Variants in C1orf159 observed in about 807,000 individuals in gnomAD.
C1orf159 encodes the protein uncharacterized protein C1orf159.
In C1orf159, 19 loss-of-function variants were observed where a neutral mutation model predicts 25.6. The observed-to-expected ratio is 0.74, with a 90% CI of 0.52 to 1.09. C1orf159 has a LOEUF of 1.09. C1orf159 is among the 50% of genes least tolerant of loss of function. The pLI is 0.00. For missense variants in C1orf159, 274 were observed against 290.6 expected (o/e 0.94, Z 0.42); for synonymous variants, 139 against 124.7 (o/e 1.12, Z -0.77).
chr1:1,087,157 G>C lies in C1orf159; in HGVS notation c.292C>G (p.Pro98Ala). 2 of 1,610,238 alleles carry C rather than the reference G, an allele frequency of 1.2e-6. No individual in the cohort carries two copies. The highest frequency in any genetic ancestry group is 1.7e-6 in the Non-Finnish European group (2 of 1,179,604). Residue 98 changes from proline to alanine, a missense_variant, in exon 6 of 10, where the codon CCC (proline) becomes GCC (alanine). Coordinates refer to ENST00000421241, the MANE Select transcript of C1orf159 (RefSeq NM_017891.5). The surrounding 1 kb of genome is among the most constrained non-coding windows in gnomAD (Gnocchi z 8.3). ...GACTTACCAGGATGTGGCCGCCCGG[G>C]GGTCCCTGAGCTTCTGTTCATGGGG... ...PFPMNRSSGT[P>A]GRPHPGAPRV...
At chr1:1,109,701 T>C (rs759362741) in intron 1 of C1orf159, among the ~76,000 whole-genome samples, 1 of 152,172 alleles carries the variant, frequency 6.6e-6, no homozygotes, top group East Asian at 1.9e-4. Flanking sequence ...ACTCCTGGGC[T>C]CAAGCGCTCC....
intron 1 of C1orf159, among the ~76,000 whole-genome samples, chr1:1,104,113 G>C (rs541224880): frequency 6.6e-6 from 1 of 151,988 alleles, no homozygotes; most frequent in Non-Finnish European, 1.5e-5. Context: ...TCGGCCTCAC[G>C]AGTAGCTGGG....
chr1:1,107,713 C>A (rs1646192953), intron 1 of C1orf159, among the ~76,000 whole-genome samples: 1 of 152,224 alleles, frequency 6.6e-6, no homozygotes, highest in African/African-American at 2.4e-5. Flanking sequence ...TAAAAGCAGG[C>A]TGCCGGAGCC....
At position 1,110,322 on chromosome 1, in the gene C1orf159, G is replaced by A. The variant is rs565361701; in HGVS notation, c.-136+5738C>T. Among the ~76,000 whole-genome samples the A allele has an allele frequency of 6.6e-5, 10 of 152,236 alleles. No individual in the cohort carries two copies. In the South Asian group the frequency reaches 8.3e-4, roughly 13 times the overall value. The stretch of plus-strand genomic sequence containing the variant: ...CCAAGAGGGAGCTCGTTCAGTCGGC[G>A]GGGGACTTAGGATTTTATTCTTAGT... On this transcript the variant is annotated intron_variant, in intron 1 of 9. Transcript: ENST00000421241. The surrounding 1 kb of genome is among the most constrained non-coding windows in gnomAD (Gnocchi z 4.8).
chr1:1,090,020 C>T (rs536643080), intron 4 of C1orf159, among the ~76,000 whole-genome samples: 1 of 152,346 alleles, frequency 6.6e-6, no homozygotes, highest in South Asian at 2.1e-4. Context: ...TTGCCAGAGG[C>T]CCCTGGAGCC....
At chr1:1,086,104 G>A (rs1325833516) in intron 6 of C1orf159, 92 bp from the exon 7 acceptor site, 3 of 1,473,130 alleles carry the variant, frequency 2.0e-6, no homozygotes, top group Non-Finnish European at 2.8e-6. Flanking sequence ...CAGATGCGCT[G>A]CTCTCTGAAC....
chr1:1,093,032 C>T (rs553400429), intron 1 of C1orf159, among the ~76,000 whole-genome samples: 14 of 151,124 alleles, frequency 9.3e-5, no homozygotes, highest in African/African-American at 2.7e-4. Context: ...AGGGGAACTC[C>T]GTCTCAAAAA....
At chr1:1,083,791 A>G (rs1645782012) in intron 9 of C1orf159, 1 of 882,204 alleles carries the variant, frequency 1.1e-6, no homozygotes, top group Non-Finnish European at 1.7e-6. Flanking sequence ...ACCTGCCCCC[A>G]TGACAGACTT....
Position 1,087,344 on chromosome 1 carries a change from C to T in C1orf159, c.245-140G>A. ...GAGCAGCCCTCACCACAGAGCTGTCCCGAATGGCCCAGCAGACTCGGGAAG... is the reference window on the plus strand; with the variant it reads ...GAGCAGCCCTCACCACAGAGCTGTCTCGAATGGCCCAGCAGACTCGGGAAG... On this transcript the variant is annotated intron_variant, in intron 5 of 9. Coordinates refer to ENST00000421241, the MANE Select transcript of C1orf159 (RefSeq NM_017891.5). This position sits in a 1 kb window ranked among gnomAD's most constrained non-coding sequence, Gnocchi z 8.3. 2 of 1,170,122 alleles carry T rather than the reference C, an allele frequency of 1.7e-6. No individual in the cohort carries two copies. Among genetic ancestry groups the T allele is most frequent in the Non-Finnish European group, 2.4e-6 (2 of 846,400 alleles). 72.5% of individuals were successfully genotyped at this position (1,170,122 alleles called of 1,614,324 possible).
At chr1:1,106,840 T>G (rs1388752862) in intron 1 of C1orf159, 1 of 152,552 alleles carries the variant, frequency 6.6e-6, no homozygotes, top group Non-Finnish European at 1.5e-5. Flanking sequence ...TCTGGGTGGG[T>G]GCAGGCTCGG....
chr1:1,087,267 AC>A lies in C1orf159; in HGVS notation c.245-64del, dbSNP rs1233729704. Reference sequence around the variant, plus strand: ...GGAGCCCACGGGGACACCCACGTGCACCCTGAAGGGATCTCAGGACGGAAAT... The same window carrying A: ...GGAGCCCACGGGGACACCCACGTGCACCTGAAGGGATCTCAGGACGGAAAT... On this transcript the variant is annotated intron_variant, in intron 5 of 9. Coordinates refer to ENST00000421241, the MANE Select transcript of C1orf159 (RefSeq NM_017891.5). This position sits in a 1 kb window ranked among gnomAD's most constrained non-coding sequence, Gnocchi z 8.3. The A allele has an allele frequency of 7.5e-6, 11 of 1,467,362 alleles. No individual in the cohort carries two copies. The highest frequency in any genetic ancestry group is 1.8e-4 in the Middle Eastern group (1 of 5,640). The allele number at this position is 1,467,362 out of a possible 1,614,324, so 90.9% of individuals were successfully genotyped here.
chr1:1,092,026 CT>C lies in C1orf159; in HGVS notation c.-59del. 1 of 456,572 alleles carries C rather than the reference CT, an allele frequency of 2.2e-6. No individual in the cohort carries two copies. Among genetic ancestry groups the C allele is most frequent in the Non-Finnish European group, 4.4e-6 (1 of 227,202 alleles). 28.3% of individuals were successfully genotyped at this position (456,572 alleles called of 1,614,324 possible). A position where few individuals can be genotyped will look rare whatever the true frequency, so the allele number is the denominator to read the frequency against. ...AGGATGGGGACTACCGACATCAGCC[CT>C]TTGCCCGCCTGGGTGTTCAGGGGTT... is the stretch of plus-strand genomic sequence containing the variant. On this transcript the variant is annotated 5_prime_UTR_variant, in exon 2 of 10. Coordinates refer to ENST00000421241, the MANE Select transcript of C1orf159 (RefSeq NM_017891.5).
At chr1:1,084,649 G>A in intron 7 of C1orf159, 143 bp from the exon 8 acceptor site, 1 of 1,032,822 alleles carries the variant, frequency 9.7e-7, no homozygotes, top group South Asian at 1.4e-5. Flanking sequence ...AGGCCCCGGG[G>A]CTGCAGGGTC....
Position 1,085,608 on chromosome 1 carries a change from C to T in C1orf159, c.445+270G>A, listed in dbSNP as rs541534076. On this transcript the variant is annotated intron_variant, in intron 7 of 9. Transcript: ENST00000421241. ...TGATGCCCTGAGGGCCCCGGGGAGA[C>T]GCCTCTGCCGGAAGAGGGCTCCAGC... Among the ~76,000 whole-genome samples the T allele has an allele frequency of 2.3e-3, 355 of 152,320 alleles. 4 individuals carry two copies. The highest frequency in any genetic ancestry group is 4.4e-3 in the Non-Finnish European group (296 of 68,004).
At chr1:1,085,123 G>A in intron 7 of C1orf159, 1 of 277,146 alleles carries the variant, frequency 3.6e-6, no homozygotes. Flanking sequence ...CCCGACTGGA[G>A]GCTGGGCCCT....
chr1:1,096,757 C>T (rs1222010903), intron 1 of C1orf159, among the ~76,000 whole-genome samples: 1 of 152,140 alleles, frequency 6.6e-6, no homozygotes, highest in Non-Finnish European at 1.5e-5. Flanking sequence ...CATGGCCTCA[C>T]TCTGTCACCC....
chr1:1,102,943 C>T (rs947814983), intron 1 of C1orf159, among the ~76,000 whole-genome samples: 2 of 151,966 alleles, frequency 1.3e-5, no homozygotes, highest in Admixed American at 1.3e-4. Context: ...GATTCTTTGC[C>T]TCAGCCTCCC....
chr1:1,099,241 CAG>C (rs749745654), intron 1 of C1orf159, among the ~76,000 whole-genome samples: 15 of 80,168 alleles, frequency 1.9e-4, no homozygotes, highest in African/African-American at 3.3e-4. Flanking sequence ...TTCTAAGAAT[CAG>C]AGAGAGAGAG....
intron 1 of C1orf159, among the ~76,000 whole-genome samples, chr1:1,099,673 C>T (rs201318227): frequency 0.021 from 1,453 of 68,346 alleles, 1 homozygote; most frequent in African/African-American, 0.092. Flanking sequence ...GGATTGTCTG[C>T]TGATGTTTTT....
Sources: allele counts gnomAD v4.1 joint callset (sites outside exome capture counted in the v4.1 genomes callset), GRCh38; gene constraint gnomAD v4.1.1; non-coding constraint Gnocchi (gnomAD v3.1); transcripts MANE v1.5; gene names NCBI Gene and HGNC (gene_info 2026-07-23, HGNC 2026-07-21).